The following MIB1 variants were observed in gnomAD, a reference collection of about 807,000 sequenced individuals.
The protein encoded by MIB1 is E3 ubiquitin-protein ligase MIB1.
In MIB1, 278 loss-of-function variants were observed where a neutral mutation model predicts 124.5. The observed-to-expected ratio is 2.23, with a 90% CI of 2.02 to 2.47. MIB1 has a LOEUF of 2.47. Among genes scored for constraint, MIB1 ranks in the 30% most tolerant of loss-of-function variants. The pLI, the probability that MIB1 is intolerant of heterozygous loss-of-function variation, is 0.00. For missense variants in MIB1, 957 were observed against 1,254.4 expected, an observed-to-expected ratio of 0.76 and a Z score of 3.58; for synonymous variants, 446 against 429.4, an observed-to-expected ratio of 1.04 and a Z score of -0.48.
Position 21,842,677 on chromosome 18 carries a change from A to T in MIB1, c.1963-454A>T, listed in dbSNP as rs147153550. On this transcript the variant is annotated intron_variant, in intron 13 of 20. Coordinates refer to ENST00000261537, the MANE Select transcript of MIB1 (RefSeq NM_020774.4). ...CCTAAAGCAAACTTTCTTTTCACAG[A>T]GTGAGGAAGAGCTCAAATATGCAGC... Among the ~76,000 whole-genome samples, 2 of 152,348 alleles carry T rather than the reference A, an allele frequency of 1.3e-5. 1 individual carries two copies. Among genetic ancestry groups the T allele is most frequent in the East Asian group, 3.9e-4 (2 of 5,184 alleles).
At chr18:21,823,166 A>C (rs2041894219) in intron 12 of MIB1, among the ~76,000 whole-genome samples, 1 of 151,622 alleles carries the variant, frequency 6.6e-6, no homozygotes, top group Non-Finnish European at 1.5e-5. Flanking sequence ...CCCAGGAAGC[A>C]GAGGTTGTAG....
At chr18:21,763,674 G>A (rs184572423) in intron 1 of MIB1, among the ~76,000 whole-genome samples, 80 of 152,078 alleles carry the variant, frequency 5.3e-4, no homozygotes, top group Admixed American at 4.4e-3. Context: ...TACTTAACCT[G>A]TTTCCTCTTG....
rs563174862 is a variant in MIB1, at chr18:21,711,439, G to A, written n.167+6316G>A. Reference sequence around the variant, plus strand: ...TGGGATTACAGGTGCCTGCCACTACGCCCGGCTAATCTTTTTGTATTTTTA... The same window carrying A: ...TGGGATTACAGGTGCCTGCCACTACACCCGGCTAATCTTTTTGTATTTTTA... On this transcript the variant is annotated intron_variant and non_coding_transcript_variant, in intron 1 of 20. Coordinates refer to the MIB1 transcript ENST00000578646. Among the ~76,000 whole-genome samples, 4 of 151,436 alleles carry A rather than the reference G, an allele frequency of 2.6e-5. 1 individual carries two copies. The highest frequency in any genetic ancestry group is 7.3e-5 in the African/African-American group (3 of 41,288).
intron 2 of MIB1, among the ~76,000 whole-genome samples, chr18:21,766,867 C>T (rs1219827356): frequency 1.3e-5 from 2 of 152,042 alleles, no homozygotes; most frequent in Non-Finnish European, 2.9e-5. Flanking sequence ...AGTAAGACCT[C>T]ATCTCTATTA....
At position 21,741,786 on chromosome 18, in the gene MIB1, T is replaced by G. The variant is rs2040855556; in HGVS notation, c.203T>G (p.Leu68Arg). ...ANYRCSGAYD[L>R]RILDSAPTGI... Reference sequence around the variant, plus strand: ...TACCGCTGCTCCGGGGCTTACGACCTCCGCATCCTGGACAGCGCGCCCACC... The same window carrying G: ...TACCGCTGCTCCGGGGCTTACGACCGCCGCATCCTGGACAGCGCGCCCACC... Residue 68 changes from leucine (L) to arginine (R), a missense_variant, in exon 1 of 21, where the codon CTC becomes CGC. By Grantham distance (102) the Leu-to-Arg change is moderately radical. Transcript: ENST00000261537. This position sits in a 1 kb window ranked among gnomAD's most constrained non-coding sequence, Gnocchi z 5.4. 2 of 1,606,922 alleles carry G rather than the reference T, an allele frequency of 1.2e-6. No homozygotes were observed. Among genetic ancestry groups the G allele is most frequent in the African/African-American group, 1.3e-5 (1 of 74,870 alleles).
intron 3 of MIB1, among the ~76,000 whole-genome samples, chr18:21,771,177 A>G (rs549240293): frequency 1.3e-5 from 2 of 152,330 alleles, no homozygotes; most frequent in Non-Finnish European, 2.9e-5. Context: ...TGTTCCTTAC[A>G]TGTGAAATTA....
chr18:21,738,993 C>A (rs963941818), upstream of MIB1, among the ~76,000 whole-genome samples: 23 of 151,632 alleles, frequency 1.5e-4, no homozygotes, highest in African/African-American at 5.6e-4. Flanking sequence ...ATTAATGAAT[C>A]CAGGAGCTGT....
chr18:21,753,740 G>A (rs1342368860), intron 1 of MIB1, among the ~76,000 whole-genome samples: 2 of 151,706 alleles, frequency 1.3e-5, no homozygotes, highest in African/African-American at 4.8e-5. Flanking sequence ...GCAGTGGCGC[G>A]ATCTCAGCCC....
intron 10 of MIB1, among the ~76,000 whole-genome samples, chr18:21,815,223 C>T (rs577082720): frequency 1.8e-3 from 274 of 151,484 alleles, no homozygotes; most frequent in Non-Finnish European, 2.6e-3. Flanking sequence ...GGTCAGAGTG[C>T]AGTGGTGCGA....
intron 10 of MIB1, among the ~76,000 whole-genome samples, 188 bp from the exon 11 acceptor site, chr18:21,815,428 C>T (rs1206088550): frequency 6.6e-6 from 1 of 152,122 alleles, no homozygotes; most frequent in Non-Finnish European, 1.5e-5. Context: ...AGTGATCCTT[C>T]TGCCTTGTCC....
At chr18:21,780,969 G>A (rs557126897) in intron 6 of MIB1, among the ~76,000 whole-genome samples, 12 of 152,246 alleles carry the variant, frequency 7.9e-5, no homozygotes, top group African/African-American at 2.9e-4. Context: ...TTCTCATAGT[G>A]GCTGTACTAA....
intron 12 of MIB1, among the ~76,000 whole-genome samples, chr18:21,834,581 G>T (rs1392388933): frequency 6.6e-6 from 1 of 152,168 alleles, no homozygotes; most frequent in East Asian, 1.9e-4. Flanking sequence ...GGTGTGATGT[G>T]ATTAAATGAC....
At chr18:21,825,077 T>A (rs998001116) in intron 12 of MIB1, among the ~76,000 whole-genome samples, 1 of 152,126 alleles carries the variant, frequency 6.6e-6, no homozygotes, top group African/African-American at 2.4e-5. Flanking sequence ...TAGCATTTTC[T>A]TTCTTTTTTG....
At chr18:21,804,670 T>C (rs2041684945) in intron 10 of MIB1, among the ~76,000 whole-genome samples, 1 of 152,218 alleles carries the variant, frequency 6.6e-6, no homozygotes, top group Non-Finnish European at 1.5e-5. Context: ...TTTAGTATAG[T>C]GCAAGATTAT....
Position 21,858,623 on chromosome 18 carries a change from C to A in MIB1, c.2857C>A (p.Gln953Lys). Residue 953 changes from glutamine to lysine, a missense_variant, in exon 20 of 21, where the codon CAG becomes AAG. By Grantham distance (53) the Gln-to-Lys change is moderately conservative. Transcript: ENST00000261537. ...TGCAGATGTGCAAAAGTTGCAGCAA[C>A]AGTTACAAGACATTAAAGAGCAGGT... ...VNADVQKLQQ[Q>K]LQDIKEQTMC... The A allele has an allele frequency of 6.3e-7, 1 of 1,588,050 alleles. No homozygotes were observed. Among genetic ancestry groups the A allele is most frequent in the Non-Finnish European group, 8.6e-7 (1 of 1,156,712 alleles).
chr18:21,810,598 A>G (rs1456748506), intron 10 of MIB1, among the ~76,000 whole-genome samples: 1 of 151,878 alleles, frequency 6.6e-6, no homozygotes, highest in Non-Finnish European at 1.5e-5. Context: ...CATTAAGGTC[A>G]ATTGCTTTTT....
At chr18:21,808,785 T>A (rs1195452026) in intron 10 of MIB1, among the ~76,000 whole-genome samples, 2 of 152,058 alleles carry the variant, frequency 1.3e-5, no homozygotes, top group Non-Finnish European at 2.9e-5. Context: ...GTGGACTCTA[T>A]TTTTTTCCCC....
intron 1 of MIB1, among the ~76,000 whole-genome samples, chr18:21,731,725 C>T (rs1302490888): frequency 2.8e-5 from 4 of 143,220 alleles, no homozygotes; most frequent in Admixed American, 2.8e-4. Flanking sequence ...GAGCGAAACC[C>T]CGTCTCACAA....
At chr18:21,843,507 A>G (rs985274930) in intron 14 of MIB1, among the ~76,000 whole-genome samples, 2 of 152,338 alleles carry the variant, frequency 1.3e-5, no homozygotes, top group Middle Eastern at 3.4e-3. Context: ...ATAAACTTAT[A>G]TTTACTGCTT....
Sources: allele counts gnomAD v4.1 joint callset (sites outside exome capture counted in the v4.1 genomes callset), GRCh38; gene constraint gnomAD v4.1.1; non-coding constraint Gnocchi (gnomAD v3.1); transcripts MANE v1.5; gene names NCBI Gene and HGNC (gene_info 2026-07-23, HGNC 2026-07-21).